IGF2BP1: variants seen among roughly 807,000 people sequenced by gnomAD.
IGF2BP1 encodes insulin-like growth factor 2 mRNA-binding protein 1.
A neutral mutation model predicts 74.9 loss-of-function variants in IGF2BP1; 11 were observed. The observed-to-expected ratio is 0.15, with a 90% CI of 0.09 to 0.24. The LOEUF is 0.24. Ranked by LOEUF, IGF2BP1 falls within the 10% of genes least tolerant of loss-of-function variation. The pLI, the probability that IGF2BP1 is intolerant of heterozygous loss-of-function variation, is 1.00. For synonymous variants in IGF2BP1, 287 were observed against 281.8 expected (o/e 1.02, Z -0.18); for missense variants, 440 against 757.4 (o/e 0.58, Z 4.92).
At chr17:49,045,243 G>A (rs2042097281) in intron 12 of IGF2BP1, among the ~76,000 whole-genome samples, 178 bp downstream of exon 12, 1 of 152,116 alleles carries the variant, frequency 6.6e-6, no homozygotes, top group Non-Finnish European at 1.5e-5. Context: ...CATCAAACTG[G>A]ATTTCTGTTG....
At chr17:48,998,299 GC>G (rs962325950) in intron 1 of IGF2BP1, among the ~76,000 whole-genome samples, 1 of 152,028 alleles carries the variant, frequency 6.6e-6, no homozygotes. Flanking sequence ...GCCGGTGGAC[GC>G]CCCCCCAGCT....
At chr17:49,004,087 C>G (rs542828792) in intron 2 of IGF2BP1, among the ~76,000 whole-genome samples, 2 of 152,254 alleles carry the variant, frequency 1.3e-5, no homozygotes, top group Admixed American at 6.5e-5. Context: ...AGTCCCAGCC[C>G]GGCAATCTCG....
rs2042146284 is a variant in IGF2BP1, at chr17:49,049,623, A to G, written c.*179A>G. ...TGAGGAACCCTGATCTCTCAGCCCC[A>G]AACACCCACCCAATTGGCCCAACAC... On this transcript the variant is annotated 3_prime_UTR_variant, in exon 15 of 15. Transcript: ENST00000290341. The G allele has an allele frequency of 1.7e-6, 1 of 581,548 alleles. No individual in the cohort carries two copies. The highest frequency in any genetic ancestry group is 1.9e-5 in the African/African-American group (1 of 53,250). The allele number at this position is 581,548 out of a possible 1,614,324, so 36.0% of individuals were successfully genotyped here.
chr17:48,998,027 G>T, intron 1 of IGF2BP1, 107 bp downstream of exon 1: 1 of 1,350,200 alleles, frequency 7.4e-7, no homozygotes, highest in Non-Finnish European at 1.0e-6. Context: ...CCGGGCCTGC[G>T]GGGTTTGGCC....
intron 6 of IGF2BP1, among the ~76,000 whole-genome samples, chr17:49,038,853 C>T (rs920648244): frequency 6.6e-6 from 1 of 150,964 alleles, no homozygotes; most frequent in Non-Finnish European, 1.5e-5. Flanking sequence ...CCCATTCTGC[C>T]ACTGCCACCT....
chr17:49,034,749 A>C (rs999057661), intron 5 of IGF2BP1, among the ~76,000 whole-genome samples: 30 of 127,124 alleles, frequency 2.4e-4, no homozygotes, highest in African/African-American at 3.7e-4. Context: ...AAAAAACACA[A>C]AAAAAACAAA....
intron 8 of IGF2BP1, 88 bp from the exon 9 acceptor site, chr17:49,042,154 G>C: frequency 6.4e-7 from 1 of 1,553,406 alleles, no homozygotes; most frequent in Non-Finnish European, 8.8e-7. Context: ...TGGTGGGCCT[G>C]TGACTCAGCT....
intron 1 of IGF2BP1, 21 bp from the exon 2 acceptor site, chr17:48,999,087 AT>A (rs369408885): frequency 0.066 from 67,337 of 1,012,790 alleles, no homozygotes; most frequent in South Asian, 0.08. Context: ...TCTCATGGTA[AT>A]TTTTTTTTTT....
At chr17:49,026,259 C>T in intron 3 of IGF2BP1, 1 of 497,812 alleles carries the variant, frequency 2.0e-6, no homozygotes, top group African/African-American at 1.9e-5. Flanking sequence ...CCAAAAGGCC[C>T]TTAAGGCAGA....
At chr17:49,025,812 T>A in intron 3 of IGF2BP1, 146 bp downstream of exon 3, 1 of 580,948 alleles carries the variant, frequency 1.7e-6, no homozygotes, top group Non-Finnish European at 3.1e-6. Flanking sequence ...TCTTTTTTTC[T>A]TTTTGAGTCT....
intron 2 of IGF2BP1, among the ~76,000 whole-genome samples, chr17:49,008,149 G>C (rs2041572426): frequency 6.6e-6 from 1 of 150,540 alleles, no homozygotes; most frequent in Non-Finnish European, 1.5e-5. Context: ...TCCAGCCTGG[G>C]TGACAAGAGT....
At chr17:49,002,332 T>C (rs2041497221) in intron 2 of IGF2BP1, among the ~76,000 whole-genome samples, 1 of 152,172 alleles carries the variant, frequency 6.6e-6, no homozygotes, top group African/African-American at 2.4e-5. Context: ...ATTTTAAATA[T>C]ATTTTAACAA....
chr17:48,997,685 G>GC lies in IGF2BP1; in HGVS notation c.-59dup. On this transcript the variant is annotated 5_prime_UTR_variant, in exon 1 of 15. Transcript: ENST00000290341. The surrounding 1 kb of genome is among the most constrained non-coding windows in gnomAD (Gnocchi z 4.8). ...CTCCGCCTCTTGGCCTAGGAGGCTC[G>GC]CCGCCCGCGCCCGCTCGTTCGGCCT... 1 of 1,566,486 alleles carries GC rather than the reference G, an allele frequency of 6.4e-7. No individual in the cohort carries two copies. The highest frequency in any genetic ancestry group is 8.7e-7 in the Non-Finnish European group (1 of 1,152,122).
At chr17:48,996,819 A>G (rs1405524028), upstream of IGF2BP1, among the ~76,000 whole-genome samples, 1 of 152,096 alleles carries the variant, frequency 6.6e-6, no homozygotes, top group Admixed American at 6.5e-5. Context: ...CCGGTCCTGC[A>G]TCCCCGGAGG....
At chr17:49,020,939 G>A (rs1281919310) in intron 2 of IGF2BP1, among the ~76,000 whole-genome samples, 1 of 146,422 alleles carries the variant, frequency 6.8e-6, no homozygotes, top group African/African-American at 2.5e-5. Context: ...GACCAGCCTC[G>A]AAAACATGGT....
chr17:49,000,040 T>G (rs929091453), intron 2 of IGF2BP1, among the ~76,000 whole-genome samples: 1 of 151,882 alleles, frequency 6.6e-6, no homozygotes, highest in Non-Finnish European at 1.5e-5. Context: ...CGAGAATTCA[T>G]GGTGGATTTC....
intron 10 of IGF2BP1, 44 bp from the exon 11 acceptor site, chr17:49,043,923 A>G (rs1204907972): frequency 3.1e-6 from 5 of 1,606,580 alleles, no homozygotes; most frequent in Non-Finnish European, 4.2e-6. Context: ...TTTCTGGGCC[A>G]TGCTACTTGG....
chr17:49,023,315 T>C (rs563953804), intron 2 of IGF2BP1, among the ~76,000 whole-genome samples: 1 of 152,360 alleles, frequency 6.6e-6, no homozygotes, highest in Admixed American at 6.5e-5. Flanking sequence ...ACAGAGATTC[T>C]CTTCAATGTT....
chr17:49,031,822 C>T, intron 4 of IGF2BP1, 88 bp from the exon 5 acceptor site: 1 of 1,226,856 alleles, frequency 8.2e-7, no homozygotes, highest in Admixed American at 1.8e-5. Context: ...TCTTCTTGAT[C>T]TCAAAACGTG....
Sources: allele counts gnomAD v4.1 joint callset (sites outside exome capture counted in the v4.1 genomes callset), GRCh38; gene constraint gnomAD v4.1.1; non-coding constraint Gnocchi (gnomAD v3.1); transcripts MANE v1.5; gene names NCBI Gene and HGNC (gene_info 2026-07-23, HGNC 2026-07-21).